TM6SF1: variants seen among roughly 807,000 people sequenced by gnomAD.
The protein encoded by TM6SF1 is transmembrane 6 superfamily member 1.
TM6SF1 carries 43 observed loss-of-function variants against 47.1 expected under a neutral mutation model. The observed-to-expected ratio is 0.91, with a 90% CI of 0.72 to 1.18. TM6SF1 has a LOEUF of 1.18. TM6SF1 is among the 50% of genes most tolerant of loss of function. The pLI, the probability that TM6SF1 is intolerant of heterozygous loss-of-function variation, is 0.00. For missense variants in TM6SF1, 390 were observed against 449.0 expected (o/e 0.87, Z 1.19); for synonymous variants, 177 against 166.3 (o/e 1.06, Z -0.49).
chr15:83,122,324 T>C (rs960261864), intron 5 of TM6SF1, among the ~76,000 whole-genome samples: 2 of 152,128 alleles, frequency 1.3e-5, no homozygotes, highest in African/African-American at 4.8e-5. Flanking sequence ...TGACACACTA[T>C]GAGAACTCCA....
chr15:83,114,115 G>C (rs2034439337), intron 2 of TM6SF1: 1 of 152,838 alleles, frequency 6.5e-6, no homozygotes, highest in Admixed American at 6.5e-5. Context: ...CCTGTGCTCT[G>C]ACCCTTGCAC....
At chr15:83,128,245 T>C (rs944978469) in intron 9 of TM6SF1, 5 of 152,228 alleles carry the variant, frequency 3.3e-5, no homozygotes, top group Non-Finnish European at 4.4e-5. Flanking sequence ...ATGCATGGTA[T>C]AATAATCATG....
At position 83,107,834 on chromosome 15, in the gene TM6SF1, G is replaced by A. The variant is rs1176944978; in HGVS notation, c.92+62G>A. 41 of 1,515,954 alleles carry A rather than the reference G, an allele frequency of 2.7e-5. No individual in the cohort carries two copies. In the South Asian group the frequency reaches 4.5e-4, roughly 17 times the overall value. The allele number at this position is 1,515,954 out of a possible 1,614,324, so 93.9% of individuals were successfully genotyped here. Reference sequence around the variant, plus strand: ...GCGGCGGGAGTTGGCTCGCCGCGACGGGAGCCTCGCAACTTTTCCGAGGGG... The same window carrying A: ...GCGGCGGGAGTTGGCTCGCCGCGACAGGAGCCTCGCAACTTTTCCGAGGGG... On this transcript the variant is annotated intron_variant, in intron 1 of 9. Coordinates refer to ENST00000322019, the MANE Select transcript of TM6SF1 (RefSeq NM_023003.5). The surrounding 1 kb of genome is among the most constrained non-coding windows in gnomAD (Gnocchi z 5.6).
intron 6 of TM6SF1, among the ~76,000 whole-genome samples, chr15:83,124,044 A>T (rs910232924): frequency 7.2e-5 from 11 of 152,218 alleles, no homozygotes; most frequent in African/African-American, 2.7e-4. Flanking sequence ...AAAGTTGTTC[A>T]TCATTACATT....
intron 4 of TM6SF1, among the ~76,000 whole-genome samples, chr15:83,120,257 G>A (rs1186984544): frequency 1.3e-5 from 2 of 152,210 alleles, no homozygotes; most frequent in Non-Finnish European, 2.9e-5. Flanking sequence ...GGTCTTGGGA[G>A]GCACACATGT....
Position 83,136,823 on chromosome 15 carries a change from G to A in TM6SF1, c.*151G>A. The A allele has an allele frequency of 1.9e-6, 1 of 524,058 alleles. No individual in the cohort carries two copies. The highest frequency in any genetic ancestry group is 3.1e-6 in the Non-Finnish European group (1 of 326,712). 32.5% of individuals were successfully genotyped at this position (524,058 alleles called of 1,614,324 possible). ...CTGTATGTGTGAGCTATATGGTATT[G>A]TGTAAATTTTTTTTGAAGGAAAATG... On this transcript the variant is annotated 3_prime_UTR_variant, in exon 10 of 10. Coordinates refer to ENST00000322019, the MANE Select transcript of TM6SF1 (RefSeq NM_023003.5).
chr15:83,112,610 C>T (rs1419365123), intron 1 of TM6SF1, 187 bp from the exon 2 acceptor site: 3 of 606,858 alleles, frequency 4.9e-6, no homozygotes, highest in African/African-American at 1.9e-5. Context: ...TCATGGGCTG[C>T]AGCCCAGATG....
intron 6 of TM6SF1, among the ~76,000 whole-genome samples, chr15:83,124,271 GATATATGTGTGTGT>G (rs1319966889): frequency 3.3e-5 from 5 of 152,078 alleles, no homozygotes; most frequent in Non-Finnish European, 5.9e-5. Context: ...GAAAAATGTA[GATATATGTGTGTGT>G]ATATATGTAT....
Position 83,107,856 on chromosome 15 carries a change from GGGGGCT to G in TM6SF1, c.92+88_92+93del. 6.7e-7 allele frequency: 1 copy of G among 1,485,340 alleles called. No individual in the cohort carries two copies. The highest frequency in any genetic ancestry group is 9.0e-7 in the Non-Finnish European group (1 of 1,116,662). The allele number at this position is 1,485,340 out of a possible 1,614,324, so 92.0% of individuals were successfully genotyped here. ...GACGGGAGCCTCGCAACTTTTCCGA[GGGGGCT>G]GGGACCGTCCGCCGCGGGACAGAGG... On this transcript the variant is annotated intron_variant, in intron 1 of 9. Coordinates refer to ENST00000322019, the MANE Select transcript of TM6SF1 (RefSeq NM_023003.5). This position sits in a 1 kb window ranked among gnomAD's most constrained non-coding sequence, Gnocchi z 5.6.
Position 83,107,927 on chromosome 15 carries a change from G to T in TM6SF1, c.92+155G>T. 7.8e-7 allele frequency: 1 copy of T among 1,288,136 alleles called. No individual in the cohort carries two copies. The highest frequency in any genetic ancestry group is 9.9e-7 in the Non-Finnish European group (1 of 1,014,134). The allele number at this position is 1,288,136 out of a possible 1,614,324, so 79.8% of individuals were successfully genotyped here. ...GGCTCCCCGCGCCTGGCCAGACTAG[G>T]GGGGCGCCCCAGGGGTCGCACGGGC... is the stretch of plus-strand genomic sequence containing the variant. On this transcript the variant is annotated intron_variant, in intron 1 of 9. Coordinates refer to ENST00000322019, the MANE Select transcript of TM6SF1 (RefSeq NM_023003.5). The surrounding 1 kb of genome is among the most constrained non-coding windows in gnomAD (Gnocchi z 5.6).
chr15:83,132,765 G>C (rs1448288463), intron 9 of TM6SF1: 1 of 152,110 alleles, frequency 6.6e-6, no homozygotes, highest in South Asian at 2.1e-4. Context: ...AGTTTAGGAA[G>C]AACACGGATA....
rs777120886 is a variant in TM6SF1 at position 83,107,660 on chromosome 15, G to A, written c.-21G>A. Reference sequence around the variant, plus strand: ...GGCGCCCAGCGGGATGCGGTGAAGGGCGAGCGGCGCGGCGGCTGCGATGAG... The same window carrying A: ...GGCGCCCAGCGGGATGCGGTGAAGGACGAGCGGCGCGGCGGCTGCGATGAG... On this transcript the variant is annotated 5_prime_UTR_variant, in exon 1 of 10. Coordinates refer to ENST00000322019, the MANE Select transcript of TM6SF1 (RefSeq NM_023003.5). This position sits in a 1 kb window ranked among gnomAD's most constrained non-coding sequence, Gnocchi z 5.6. 2.0e-6 allele frequency: 3 copies of A among 1,532,678 alleles called. No homozygotes were observed. The South Asian group carries it at 3.7e-5, about 19-fold the overall frequency. 94.9% of individuals were successfully genotyped at this position (1,532,678 alleles called of 1,614,324 possible).
intron 4 of TM6SF1, chr15:83,120,211 T>C (rs2035090369): frequency 1.3e-5 from 2 of 158,218 alleles, no homozygotes; most frequent in Admixed American, 5.9e-5. Flanking sequence ...GTGCTGGTTT[T>C]TGGGTATTGG....
chr15:83,136,440 C>T (rs371442568), intron 9 of TM6SF1, 41 bp from the exon 10 acceptor site: 8 of 1,526,074 alleles, frequency 5.2e-6, no homozygotes, highest in South Asian at 2.6e-5. Flanking sequence ...CAACTGAACA[C>T]GTTTCATGCT....
rs72160704 is a variant in TM6SF1 at position 83,118,230 on chromosome 15, TACACAC to T, written c.295-1318_295-1313del. ...CAGAGTGAGACCCTGTCTCTGTACG[TACACAC>T]ACACACACACACACACACACACACA... On this transcript the variant is annotated intron_variant, in intron 3 of 9. Transcript: ENST00000322019. 1.6e-3 allele frequency among the ~76,000 whole-genome samples: 237 copies of T among 146,346 alleles called. 3 individuals carry two copies. The highest frequency in any genetic ancestry group is 2.9e-3 in the African/African-American group (116 of 40,242).
rs771810783 is a variant in TM6SF1, at chr15:83,115,852, A to G, written c.204A>G (p.Ala68=). 5 of 1,613,600 alleles carry G rather than the reference A, an allele frequency of 3.1e-6. No homozygotes were observed. The highest frequency in any genetic ancestry group is 3.4e-6 in the Non-Finnish European group (4 of 1,179,506). Residue 68 remains alanine (A), a synonymous_variant, in exon 3 of 10, where the codon GCA becomes GCG. Coordinates refer to ENST00000322019, the MANE Select transcript of TM6SF1 (RefSeq NM_023003.5). ...PPRDPLFYVY[A]VFGFTSVVNL... is the part of the protein sequence containing the mutation. ...CTGCTTTCTTTGCTCTAGTGTATGC[A>G]GTTTTTGGATTTACCAGCGTGGTGA...
intron 9 of TM6SF1, chr15:83,132,800 T>C (rs2036343835): frequency 1.3e-5 from 2 of 152,222 alleles, no homozygotes; most frequent in African/African-American, 4.8e-5. Flanking sequence ...GCAAATCTTG[T>C]TTTCTTCATT....
chr15:83,112,905 G>A lies in TM6SF1; in HGVS notation c.196+5G>A, dbSNP rs765456054. On this transcript the variant is annotated splice_donor_5th_base_variant and intron_variant, in intron 2 of 9. Transcript: ENST00000322019. ...CCCGGGACCCACTGTTCTATGGTAC[G>A]TCTCCACAAAGGGAAATCTTTTGTA... is the stretch of plus-strand genomic sequence containing the variant. The A allele has an allele frequency of 1.7e-5, 28 of 1,604,354 alleles. No homozygotes were observed. The highest frequency in any genetic ancestry group is 6.7e-5 in the East Asian group (3 of 44,864).
chr15:83,127,209 A>C (rs1374056695), intron 8 of TM6SF1, 149 bp from the exon 9 acceptor site: 8 of 767,972 alleles, frequency 1.0e-5, no homozygotes, highest in Non-Finnish European at 1.4e-5. Flanking sequence ...ATAAATAAAT[A>C]AAAATAAAAG....
Sources: allele counts gnomAD v4.1 joint callset (sites outside exome capture counted in the v4.1 genomes callset), GRCh38; gene constraint gnomAD v4.1.1; non-coding constraint Gnocchi (gnomAD v3.1); transcripts MANE v1.5; gene names NCBI Gene and HGNC (gene_info 2026-07-23, HGNC 2026-07-21).